The following NUP153 variants were observed in gnomAD, a reference collection of about 807,000 sequenced individuals.
NUP153 encodes nuclear pore complex protein Nup153.
A neutral mutation model predicts 134.6 loss-of-function variants in NUP153; 27 were observed. The observed-to-expected ratio is 0.20, with a 90% CI of 0.15 to 0.28. The LOEUF (loss-of-function observed/expected upper bound fraction) is 0.28, where lower values mean the gene tolerates loss of function less well. Among genes scored for constraint, NUP153 ranks in the 10% least tolerant of loss-of-function variants. The pLI, the probability that NUP153 is intolerant of heterozygous loss-of-function variation, is 1.00. For synonymous variants in NUP153, 640 were observed against 623.5 expected (o/e 1.03, Z -0.40); for missense variants, 1,821 against 1,731.3 (o/e 1.05, Z -0.92).
intron 2 of NUP153, among the ~76,000 whole-genome samples, chr6:17,681,086 AT>A (rs1159597503): frequency 2.0e-5 from 3 of 152,172 alleles, no homozygotes; most frequent in Non-Finnish European, 4.4e-5. Context: ...TTATTCAGCC[AT>A]TAAAAAAAAA....
At position 17,675,089 on chromosome 6, in the gene NUP153, T is replaced by G; in HGVS notation, c.724-56A>C. On this transcript the variant is annotated intron_variant, in intron 4 of 21. Coordinates refer to ENST00000262077, the MANE Select transcript of NUP153 (RefSeq NM_005124.4). This position sits in a 1 kb window ranked among gnomAD's most constrained non-coding sequence, Gnocchi z 4.4. ...CCATATGAACCCAGGAGGTGGAGGT[T>G]GCAGTGAGTTAAGATCATGCTGCTA... The G allele has an allele frequency of 1.9e-6, 3 of 1,598,404 alleles. No homozygotes were observed. Among genetic ancestry groups the G allele is most frequent in the Non-Finnish European group, 2.6e-6 (3 of 1,169,624 alleles).
intron 8 of NUP153, among the ~76,000 whole-genome samples, chr6:17,667,883 T>TCGC (rs1767639114): frequency 1.3e-5 from 2 of 152,102 alleles, no homozygotes; most frequent in African/African-American, 2.4e-5. Context: ...TAGGATATAT[T>TCGC]AAAAGGGCAG....
chr6:17,669,657 A>T, intron 5 of NUP153, 111 bp from the exon 6 acceptor site: 1 of 752,688 alleles, frequency 1.3e-6, no homozygotes. Context: ...AACAGGATTT[A>T]ATGCATTAAC....
chr6:17,662,085 C>A lies in NUP153; in HGVS notation c.1216-15G>T. The A allele has an allele frequency of 6.2e-7, 1 of 1,608,914 alleles. No individual in the cohort carries two copies. The highest frequency in any genetic ancestry group is 1.7e-5 in the Admixed American group (1 of 59,440). ...TCATATCCAGTCTGCAGGGGAAATACACACATATTTACGTTTGCTTATTTG... is the reference window on the plus strand; with the variant it reads ...TCATATCCAGTCTGCAGGGGAAATAAACACATATTTACGTTTGCTTATTTG... On this transcript the variant is annotated splice_polypyrimidine_tract_variant and intron_variant, in intron 9 of 21. Transcript: ENST00000262077.
At chr6:17,690,182 C>T (rs1769189026) in intron 1 of NUP153, among the ~76,000 whole-genome samples, 1 of 149,572 alleles carries the variant, frequency 6.7e-6, no homozygotes, top group Non-Finnish European at 1.5e-5. Flanking sequence ...GAAACCGCGT[C>T]TCTACTAAAA....
Position 17,706,736 on chromosome 6 carries a change from G to A in NUP153, c.-349C>T, listed in dbSNP as rs1452680511. 1 of 252,248 alleles carries A rather than the reference G, an allele frequency of 4.0e-6. No homozygotes were observed. Among genetic ancestry groups the A allele is most frequent in the Non-Finnish European group, 7.7e-6 (1 of 130,076 alleles). 15.6% of individuals were successfully genotyped at this position (252,248 alleles called of 1,614,324 possible). Reference sequence around the variant, plus strand: ...GGTGCTGAGGCCTAACTCGACCGCCGACTGGTGGGAGTTCTTCCGTCGCCC... The same window carrying A: ...GGTGCTGAGGCCTAACTCGACCGCCAACTGGTGGGAGTTCTTCCGTCGCCC... On this transcript the variant is annotated 5_prime_UTR_variant, in exon 1 of 22. Coordinates refer to ENST00000262077, the MANE Select transcript of NUP153 (RefSeq NM_005124.4). This position sits in a 1 kb window ranked among gnomAD's most constrained non-coding sequence, Gnocchi z 5.9.
chr6:17,633,864 G>A (rs1053186576), intron 16 of NUP153, among the ~76,000 whole-genome samples: 8 of 152,022 alleles, frequency 5.3e-5, no homozygotes, highest in Admixed American at 3.9e-4. Context: ...GCTCCCTGGG[G>A]TTCCATCTTG....
rs182213155 is a variant in NUP153, at chr6:17,671,221, G to A, written c.853-1675C>T. Among the ~76,000 whole-genome samples, 166 of 152,070 alleles carry A rather than the reference G, an allele frequency of 1.1e-3. 2 individuals are homozygous for A. Among genetic ancestry groups the A allele is most frequent in the African/African-American group, 3.7e-3 (152 of 41,464 alleles). ...GATTCCATTTACAAATATTTTTGTT[G>A]AGGTTTGTGTCTATAATTCATGAGA... On this transcript the variant is annotated intron_variant, in intron 5 of 21. Transcript: ENST00000262077.
chr6:17,647,846 G>A lies in NUP153; in HGVS notation c.1593C>T (p.Ile531=), dbSNP rs369550223. 121 of 1,612,980 alleles carry A rather than the reference G, an allele frequency of 7.5e-5. 1 individual carries two copies. The South Asian group carries it at 1.3e-3, about 17-fold the overall frequency. ...GSPMFKFSSP[I]VKSTEANVLP... is the part of the protein sequence containing the mutation. ...GTACATTTGCCTCAGTAGATTTTACGATTGGAGATGAAAATTTAAACATGG... is the reference window on the plus strand; with the variant it reads ...GTACATTTGCCTCAGTAGATTTTACAATTGGAGATGAAAATTTAAACATGG... The change falls in exon 13 of 22, where the codon ATC becomes ATT. Residue 531 remains isoleucine, a synonymous_variant. Coordinates refer to ENST00000262077, the MANE Select transcript of NUP153 (RefSeq NM_005124.4).
chr6:17,671,011 A>G (rs552095923), intron 5 of NUP153, among the ~76,000 whole-genome samples: 1 of 152,210 alleles, frequency 6.6e-6, no homozygotes, highest in African/African-American at 2.4e-5. Context: ...GGGTTTCACC[A>G]TGTTGGCCAG....
chr6:17,652,167 A>G (rs919250223), intron 11 of NUP153, among the ~76,000 whole-genome samples: 20 of 152,202 alleles, frequency 1.3e-4, no homozygotes, highest in African/African-American at 4.8e-4. Flanking sequence ...CTCCCTCCCC[A>G]TGAAAAATGA....
chr6:17,695,229 A>G (rs777126395), intron 1 of NUP153, among the ~76,000 whole-genome samples: 23 of 152,216 alleles, frequency 1.5e-4, no homozygotes, highest in Non-Finnish European at 3.1e-4. Flanking sequence ...AGTCACTTAT[A>G]AAAGGACTAA....
chr6:17,616,137 G>C lies in NUP153; in HGVS notation c.4388C>G (p.Ser1463Cys), dbSNP rs1444291888. 6.2e-7 allele frequency: 1 copy of C among 1,613,928 alleles called. No individual in the cohort carries two copies. Residue 1463 changes from serine to cysteine, a missense_variant, in exon 22 of 22, where the codon TCT (serine) becomes TGT (cysteine). Ser to Cys is a moderately radical substitution (Grantham distance 112, BLOSUM62 -1). Transcript: ENST00000262077. ...NVFSSSGTSF[S>C]GRKIKTAVRR... ...AACAGCAGTCTTTATCTTGCGACCA[G>C]AGAATGAAGTTCCAGAAGAAGAGAA...
Position 17,665,392 on chromosome 6 carries a change from G to C in NUP153, c.1069-7C>G. On this transcript the variant is annotated splice_region_variant and splice_polypyrimidine_tract_variant and intron_variant, in intron 8 of 21. Coordinates refer to ENST00000262077, the MANE Select transcript of NUP153 (RefSeq NM_005124.4). Reference sequence around the variant, plus strand: ...GAGGATATTGAGAATCCACCTTACAGGTAAAGAGAAATCAAAAACATTTAT... The same window carrying C: ...GAGGATATTGAGAATCCACCTTACACGTAAAGAGAAATCAAAAACATTTAT... 3 of 1,586,762 alleles carry C rather than the reference G, an allele frequency of 1.9e-6. No individual in the cohort carries two copies. The highest frequency in any genetic ancestry group is 1.7e-6 in the Non-Finnish European group (2 of 1,170,608).
Position 17,615,649 on chromosome 6 carries a change from T to A in NUP153, c.*448A>T, listed in dbSNP as rs555040374. ...CACATACACCAGCACAAACTCAGCA[T>A]AGAAATCATCCGTTTCAACACTCTC... On this transcript the variant is annotated 3_prime_UTR_variant, in exon 22 of 22. Transcript: ENST00000262077. The surrounding 1 kb of genome is among the most constrained non-coding windows in gnomAD (Gnocchi z 5.7). 6.5e-6 allele frequency: 1 copy of A among 153,598 alleles called. No homozygotes were observed. The highest frequency in any genetic ancestry group is 1.5e-5 in the Non-Finnish European group (1 of 68,748). 9.5% of individuals were successfully genotyped at this position (153,598 alleles called of 1,614,324 possible).
rs1581766510 is a variant in NUP153 at position 17,688,432 on chromosome 6, T to C, written c.298A>G (p.Arg100Gly). ...CTGACTGCTGGCTCAGGTGTGATTC[T>C]CCCATCAGTAATATTAGAGCTCTCC... The part of the protein sequence containing the change: ...DEESSNITDG[R>G]ITPEPAVSNT... The change falls in exon 2 of 22, where the codon AGA becomes GGA. Residue 100 changes from arginine to glycine, a missense_variant. Transcript: ENST00000262077. 1 of 1,614,126 alleles carries C rather than the reference T, an allele frequency of 6.2e-7. No homozygotes were observed. The highest frequency in any genetic ancestry group is 8.5e-7 in the Non-Finnish European group (1 of 1,179,964).
chr6:17,670,095 C>CAAAA (rs71002244), intron 5 of NUP153, among the ~76,000 whole-genome samples: 5 of 65,150 alleles, frequency 7.7e-5, no homozygotes, highest in African/African-American at 1.7e-4. Flanking sequence ...GACTCTTTCT[C>CAAAA]AAAAAAAAAA....
Position 17,675,077 on chromosome 6 carries a change from G to C in NUP153, c.724-44C>G. ...ATAAATTATAAGCCATATGAACCCA[G>C]GAGGTGGAGGTTGCAGTGAGTTAAG... On this transcript the variant is annotated intron_variant, in intron 4 of 21. Coordinates refer to ENST00000262077, the MANE Select transcript of NUP153 (RefSeq NM_005124.4). The surrounding 1 kb of genome is among the most constrained non-coding windows in gnomAD (Gnocchi z 4.4). The C allele has an allele frequency of 6.2e-7, 1 of 1,606,276 alleles. No homozygotes were observed.
intron 2 of NUP153, among the ~76,000 whole-genome samples, chr6:17,678,046 T>C (rs2006705): frequency 5.1e-4 from 77 of 152,220 alleles, no homozygotes; most frequent in African/African-American, 1.8e-3. Flanking sequence ...AGATTGCTTC[T>C]AATGTTTCAC....
Sources: gnomAD v4.1 joint callset for allele counts (sites outside exome capture counted in the v4.1 genomes callset) on GRCh38, gnomAD v4.1.1 for gene constraint, Gnocchi (gnomAD v3.1) non-coding constraint, MANE v1.5 for transcripts, NCBI Gene and HGNC (gene_info 2026-07-23, HGNC 2026-07-21) for gene names.